Variants in ARID1B observed in about 807,000 individuals in gnomAD.
ARID1B encodes the protein AT-rich interaction domain 1B.
In ARID1B, 30 loss-of-function variants were observed where a neutral mutation model predicts 212.3. That is an observed-to-expected ratio of 0.14 (90% confidence interval 0.11 to 0.19). The LOEUF (loss-of-function observed/expected upper bound fraction) is 0.19. Among genes scored for constraint, ARID1B ranks in the 10% least tolerant of loss-of-function variants. ARID1B has a pLI of 1.00. For synonymous variants in ARID1B, 1,402 were observed against 1,301.7 expected, an observed-to-expected ratio of 1.08 and a Z score of -1.66; for missense variants, 2,891 against 3,204.0, an observed-to-expected ratio of 0.90 and a Z score of 2.36.
intron 1 of ARID1B, among the ~76,000 whole-genome samples, chr6:156,810,760 A>T (rs1021448864): frequency 6.6e-6 from 1 of 152,192 alleles, no homozygotes; most frequent in African/African-American, 2.4e-5. Flanking sequence ...GAGAGCACCA[A>T]CACCAATATT....
At chr6:156,803,815 C>T (rs1780960490) in intron 1 of ARID1B, among the ~76,000 whole-genome samples, 1 of 151,842 alleles carries the variant, frequency 6.6e-6, no homozygotes, top group African/African-American at 2.4e-5. Flanking sequence ...AAACAATTGG[C>T]CATTTTTCAT....
chr6:157,123,525 G>T (rs1331526659), intron 6 of ARID1B, among the ~76,000 whole-genome samples: 3 of 152,228 alleles, frequency 2.0e-5, no homozygotes, highest in African/African-American at 7.2e-5. Flanking sequence ...GGCAGGCCCA[G>T]CCTGGAGCCA....
At chr6:156,789,663 A>G (rs1472259022) in intron 1 of ARID1B, among the ~76,000 whole-genome samples, 2 of 152,226 alleles carry the variant, frequency 1.3e-5, no homozygotes, top group Non-Finnish European at 2.9e-5. Flanking sequence ...ATGAGAAACA[A>G]ACAGTGAAGG....
intron 3 of ARID1B, among the ~76,000 whole-genome samples, chr6:156,922,298 A>G (rs1415431229): frequency 6.6e-6 from 1 of 150,752 alleles, no homozygotes; most frequent in Non-Finnish European, 1.5e-5. Context: ...TCAGCCTCCC[A>G]AGTAGCTGGG....
At chr6:156,981,766 A>G (rs1250654689) in intron 4 of ARID1B, among the ~76,000 whole-genome samples, 2 of 152,146 alleles carry the variant, frequency 1.3e-5, no homozygotes, top group Non-Finnish European at 2.9e-5. Flanking sequence ...CTGTAATACT[A>G]TAATAACTTA....
intron 4 of ARID1B, among the ~76,000 whole-genome samples, chr6:156,951,698 C>T (rs907934471): frequency 3.3e-5 from 5 of 152,168 alleles, no homozygotes; most frequent in Non-Finnish European, 7.4e-5. Flanking sequence ...CCGCCTCAGC[C>T]TTCCAAAGTG....
At chr6:157,013,866 A>G (rs1779756433) in intron 4 of ARID1B, among the ~76,000 whole-genome samples, 1 of 152,262 alleles carries the variant, frequency 6.6e-6, no homozygotes, top group Admixed American at 6.5e-5. Flanking sequence ...TCAGTAACAC[A>G]GGCTAGCACT....
At chr6:157,154,580 G>GTTTTTTTTTTT (rs1274752634) in intron 8 of ARID1B, among the ~76,000 whole-genome samples, 13 of 111,568 alleles carry the variant, frequency 1.2e-4, no homozygotes, top group East Asian at 2.6e-4. Context: ...TTTTTTTTTT[G>GTTTTTTTTTTT]TTTTTTTTTT....
chr6:157,076,163 A>G (rs1183139579), intron 4 of ARID1B, among the ~76,000 whole-genome samples: 1 of 152,122 alleles, frequency 6.6e-6, no homozygotes, highest in Non-Finnish European at 1.5e-5. Context: ...GAACAAATAC[A>G]TTTTTTCTTA....
intron 3 of ARID1B, among the ~76,000 whole-genome samples, chr6:156,908,909 A>G (rs1789628476): frequency 2.0e-5 from 3 of 152,100 alleles, no homozygotes; most frequent in Admixed American, 1.3e-4. Flanking sequence ...AGAAGAATAT[A>G]CAGATACACA....
chr6:157,041,607 C>G (rs776491104), intron 4 of ARID1B, among the ~76,000 whole-genome samples: 31 of 152,180 alleles, frequency 2.0e-4, no homozygotes, highest in East Asian at 5.8e-4. Context: ...TTAATCCACT[C>G]TCATATGAGA....
intron 4 of ARID1B, among the ~76,000 whole-genome samples, chr6:156,946,727 C>T (rs1357366414): frequency 6.6e-6 from 1 of 152,022 alleles, no homozygotes; most frequent in East Asian, 1.9e-4. Flanking sequence ...AGGATAGATG[C>T]TTTTGAGGTT....
intron 2 of ARID1B, among the ~76,000 whole-genome samples, chr6:156,879,687 G>A (rs1786882387): frequency 6.6e-6 from 1 of 152,206 alleles, no homozygotes. Flanking sequence ...GTATCGGGTA[G>A]CTTTTCTGTT....
At position 156,779,392 on chromosome 6, in the gene ARID1B, C is replaced by A; in HGVS notation, c.1712C>A (p.Pro571Gln). 7.0e-7 allele frequency: 1 copy of A among 1,421,020 alleles called. No individual in the cohort carries two copies. The highest frequency in any genetic ancestry group is 9.2e-7 in the Non-Finnish European group (1 of 1,082,152). 88.0% of individuals were successfully genotyped at this position (1,421,020 alleles called of 1,614,324 possible). ...DMGAQYAAAS[P>Q]AWAAAQQRSH... ...GGCGCCCAGTACGCCGCTGCCAGCCCGGCCTGGGCGGCCGCGCAACAAAGG... is the reference window on the plus strand; with the variant it reads ...GGCGCCCAGTACGCCGCTGCCAGCCAGGCCTGGGCGGCCGCGCAACAAAGG... Residue 571 changes from proline to glutamine, a missense_variant, in exon 1 of 20, where the codon CCG (proline) becomes CAG (glutamine). By Grantham distance (76) the Pro-to-Gln change is moderately conservative. Coordinates refer to ENST00000636930, the MANE Select transcript of ARID1B (RefSeq NM_001374828.1).
intron 4 of ARID1B, chr6:156,985,255 TA>T (rs1218132943): frequency 6.6e-6 from 1 of 152,206 alleles, no homozygotes; most frequent in African/African-American, 2.4e-5. Flanking sequence ...TTGAAATTGA[TA>T]ATACTTTTTG....
At chr6:156,786,856 C>T (rs761251863) in intron 1 of ARID1B, among the ~76,000 whole-genome samples, 1 of 151,804 alleles carries the variant, frequency 6.6e-6, no homozygotes, top group Non-Finnish European at 1.5e-5. Flanking sequence ...ATACCTGGAT[C>T]GTGGTATTGC....
intron 2 of ARID1B, among the ~76,000 whole-genome samples, chr6:156,894,872 C>T (rs1170865864): frequency 1.3e-5 from 2 of 152,200 alleles, no homozygotes; most frequent in Non-Finnish European, 2.9e-5. Flanking sequence ...CAGCTCTTAA[C>T]GTTTCCATTG....
intron 4 of ARID1B, among the ~76,000 whole-genome samples, chr6:157,015,054 C>A (rs1041012486): frequency 1.3e-5 from 2 of 152,162 alleles, no homozygotes; most frequent in Non-Finnish European, 2.9e-5. Flanking sequence ...ACATTTGATG[C>A]CACGTGTCTT....
At chr6:156,986,949 T>G (rs567490163) in intron 4 of ARID1B, among the ~76,000 whole-genome samples, 10 of 152,198 alleles carry the variant, frequency 6.6e-5, no homozygotes, top group Non-Finnish European at 1.2e-4. Flanking sequence ...GAGGCTGAGG[T>G]TGGCAGATCG....
Sources: gnomAD v4.1 joint callset for allele counts (sites outside exome capture counted in the v4.1 genomes callset) on GRCh38, gnomAD v4.1.1 for gene constraint, MANE v1.5 for transcripts, NCBI Gene and HGNC (gene_info 2026-07-23, HGNC 2026-07-21) for gene names.